Variants in ATXN1 observed in about 807,000 individuals in gnomAD.
ATXN1 encodes the protein ataxin-1.
ATXN1 carries 8 observed loss-of-function variants against 56.4 expected under a neutral mutation model. The ratio of observed to expected loss-of-function variants is 0.14; its 90% CI spans 0.08 to 0.26. The LOEUF is 0.26. Ranked by LOEUF, ATXN1 falls within the 10% of genes least tolerant of loss-of-function variation. The probability of loss-of-function intolerance (pLI) is 1.00; values close to 1 mark genes in which losing one functional copy is unlikely to be tolerated. For synonymous variants in ATXN1, 514 were observed against 494.6 expected (o/e 1.04, Z -0.52); for missense variants, 987 against 1,106.5 (o/e 0.89, Z 1.53).
intron 6 of ATXN1, among the ~76,000 whole-genome samples, chr6:16,472,745 T>C (rs1760244034): frequency 6.6e-6 from 1 of 152,218 alleles, no homozygotes; most frequent in Non-Finnish European, 1.5e-5. Flanking sequence ...TCAAACCCTC[T>C]CCTGTCTTTG....
intron 3 of ATXN1, among the ~76,000 whole-genome samples, chr6:16,657,015 G>A (rs1289547609): frequency 1.2e-4 from 15 of 130,326 alleles, no homozygotes; most frequent in Admixed American, 3.6e-4. Context: ...ATGGAGTCTC[G>A]CTCTGTCGCC....
chr6:16,616,049 T>G (rs1763203029), intron 3 of ATXN1: 1 of 149,726 alleles, frequency 6.7e-6, no homozygotes, highest in African/African-American at 2.5e-5. Context: ...AAAAAAAAAA[T>G]TAAATTCAGG....
intron 3 of ATXN1, among the ~76,000 whole-genome samples, chr6:16,612,472 C>T (rs1763126238): frequency 6.6e-6 from 1 of 152,098 alleles, no homozygotes; most frequent in African/African-American, 2.4e-5. Flanking sequence ...TATGGAATCA[C>T]AGACTGAGAC....
chr6:16,481,745 A>G (rs1760444305), intron 6 of ATXN1, among the ~76,000 whole-genome samples: 1 of 152,126 alleles, frequency 6.6e-6, no homozygotes, highest in South Asian at 2.1e-4. Context: ...GTGCACTAGA[A>G]TGAAGTGTTA....
At chr6:16,640,470 T>G (rs1004034515) in intron 3 of ATXN1, among the ~76,000 whole-genome samples, 1 of 152,066 alleles carries the variant, frequency 6.6e-6, no homozygotes, top group East Asian at 1.9e-4. Context: ...GATCACGAGT[T>G]CAGGAGATCA....
intron 4 of ATXN1, among the ~76,000 whole-genome samples, chr6:16,548,726 C>A (rs932695791): frequency 4.6e-5 from 7 of 151,866 alleles, no homozygotes; most frequent in African/African-American, 9.7e-5. Flanking sequence ...GAGTTTGAGA[C>A]CAGCCTGACC....
intron 2 of ATXN1, among the ~76,000 whole-genome samples, chr6:16,716,620 A>C (rs1190315363): frequency 6.6e-6 from 1 of 152,188 alleles, no homozygotes; most frequent in Non-Finnish European, 1.5e-5. Flanking sequence ...AAAGGTATAG[A>C]CTACAGTTGG....
At chr6:16,363,773 G>T (rs1761861426) in intron 6 of ATXN1, among the ~76,000 whole-genome samples, 1 of 152,196 alleles carries the variant, frequency 6.6e-6, no homozygotes, top group Admixed American at 6.5e-5. Context: ...GGCAGGTGGG[G>T]TCAGGAGTGA....
intron 5 of ATXN1, among the ~76,000 whole-genome samples, chr6:16,503,173 C>T (rs997558244): frequency 6.6e-6 from 1 of 152,138 alleles, no homozygotes; most frequent in East Asian, 1.9e-4. Context: ...CTAGTTTTAT[C>T]GGTTCCTCCT....
At chr6:16,729,126 T>C (rs1180072867) in intron 2 of ATXN1, among the ~76,000 whole-genome samples, 1 of 152,232 alleles carries the variant, frequency 6.6e-6, no homozygotes, top group African/African-American at 2.4e-5. Context: ...TTTAAAAACA[T>C]CCTCCTTTAC....
At chr6:16,656,630 T>TA (rs2113357487) in intron 3 of ATXN1, among the ~76,000 whole-genome samples, 2 of 152,308 alleles carry the variant, frequency 1.3e-5, no homozygotes, top group East Asian at 3.9e-4. Flanking sequence ...CATGTATACT[T>TA]AAAAGTTACT....
At chr6:16,565,712 A>G (rs143204278) in intron 4 of ATXN1, among the ~76,000 whole-genome samples, 27 of 152,312 alleles carry the variant, frequency 1.8e-4, no homozygotes, top group African/African-American at 6.3e-4. Context: ...TGCTCAAAAA[A>G]TTTCCAGGTA....
At chr6:16,345,327 A>C (rs941309714) in intron 6 of ATXN1, among the ~76,000 whole-genome samples, 3 of 152,240 alleles carry the variant, frequency 2.0e-5, no homozygotes, top group African/African-American at 7.2e-5. Context: ...CTATATGGGA[A>C]GGCCTCTAAA....
intron 2 of ATXN1, among the ~76,000 whole-genome samples, chr6:16,660,607 T>C (rs1195258915): frequency 6.6e-6 from 1 of 152,232 alleles, no homozygotes; most frequent in Non-Finnish European, 1.5e-5. Context: ...ACTTATTAAA[T>C]GTTTGCCATA....
At chr6:16,555,860 T>A (rs887782687) in intron 4 of ATXN1, among the ~76,000 whole-genome samples, 1 of 152,234 alleles carries the variant, frequency 6.6e-6, no homozygotes, top group East Asian at 1.9e-4. Flanking sequence ...CTGTCTTTTG[T>A]TTTGTTTTCC....
intron 6 of ATXN1, among the ~76,000 whole-genome samples, chr6:16,456,682 A>G (rs1447944627): frequency 6.6e-6 from 1 of 152,162 alleles, no homozygotes; most frequent in Non-Finnish European, 1.5e-5. Context: ...AACACCTGTC[A>G]GACAAACTTT....
chr6:16,719,558 G>A (rs1561821404), intron 2 of ATXN1, among the ~76,000 whole-genome samples: 1 of 152,214 alleles, frequency 6.6e-6, no homozygotes, highest in South Asian at 2.1e-4. Context: ...AAAGATTAAA[G>A]AGGAAACAAG....
At chr6:16,542,922 A>T (rs1761743108) in intron 4 of ATXN1, among the ~76,000 whole-genome samples, 1 of 151,944 alleles carries the variant, frequency 6.6e-6, no homozygotes, top group Non-Finnish European at 1.5e-5. Context: ...CTCTCTCTCA[A>T]AATATCTTAT....
intron 4 of ATXN1, among the ~76,000 whole-genome samples, chr6:16,541,652 G>C (rs1475337501): frequency 2.0e-5 from 3 of 152,296 alleles, no homozygotes; most frequent in African/African-American, 7.2e-5. Flanking sequence ...CAGGGAGAGA[G>C]AGCAATTTTG....
Sources: gnomAD v4.1 joint callset for allele counts (sites outside exome capture counted in the v4.1 genomes callset) on GRCh38, gnomAD v4.1.1 for gene constraint, MANE v1.5 for transcripts, NCBI Gene and HGNC (gene_info 2026-07-23, HGNC 2026-07-21) for gene names.